Variants in PDE1C observed in about 807,000 individuals in gnomAD.
PDE1C encodes the protein phosphodiesterase 1C, also known as dual specificity calcium/calmodulin-dependent 3',5'-cyclic nucleotide phosphodiesterase 1C.
PDE1C carries 62 observed loss-of-function variants against 93.1 expected under a neutral mutation model. The ratio of observed to expected loss-of-function variants is 0.67; its 90% confidence interval spans 0.54 to 0.82. PDE1C has a LOEUF of 0.82. Ranked by LOEUF, PDE1C falls within the 40% of genes least tolerant of loss-of-function variation. The pLI, the probability that PDE1C is intolerant of heterozygous loss-of-function variation, is 0.00. For missense variants in PDE1C, 742 were observed against 884.6 expected, an observed-to-expected ratio of 0.84 and a Z score of 2.04; for synonymous variants, 325 against 310.1, an observed-to-expected ratio of 1.05 and a Z score of -0.50.
intron 1 of PDE1C, among the ~76,000 whole-genome samples, chr7:32,323,644 C>T (rs750708412): frequency 5.5e-4 from 83 of 152,110 alleles, no homozygotes; most frequent in Admixed American, 1.8e-3. Flanking sequence ...GTCAAAGAGC[C>T]AGGAGGAAAA....
At chr7:31,705,705 CA>C in the PDE1C span, among the ~76,000 whole-genome samples, 1 of 152,048 alleles carries the variant, frequency 6.6e-6, no homozygotes, top group African/African-American at 2.4e-5. Context: ...TTCTCTTTCT[CA>C]AGTGTAGATC....
chr7:32,264,658 T>C (rs1810442993), intron 1 of PDE1C, among the ~76,000 whole-genome samples: 1 of 152,224 alleles, frequency 6.6e-6, no homozygotes, highest in Non-Finnish European at 1.5e-5. Context: ...AATGCTCAAG[T>C]AGTGGCTGAT....
At chr7:31,770,974 A>C (rs1191511402) in intron 17 of PDE1C, among the ~76,000 whole-genome samples, 2 of 152,140 alleles carry the variant, frequency 1.3e-5, no homozygotes, top group Non-Finnish European at 2.9e-5. Context: ...TTAAAATTGC[A>C]ATGACTATAT....
chr7:31,744,693 T>C, the PDE1C span, among the ~76,000 whole-genome samples: 1 of 152,202 alleles, frequency 6.6e-6, no homozygotes, highest in Non-Finnish European at 1.5e-5. Flanking sequence ...TCAAATTCTT[T>C]TAAGATGGGA....
intron 2 of PDE1C, among the ~76,000 whole-genome samples, chr7:31,956,411 C>G (rs1054660169): frequency 5.3e-5 from 8 of 151,886 alleles, no homozygotes; most frequent in Non-Finnish European, 1.2e-4. Context: ...CCCTTTATGG[C>G]ATCCAGGCAG....
chr7:32,049,140 C>T (rs895357546), intron 2 of PDE1C, among the ~76,000 whole-genome samples: 1 of 152,192 alleles, frequency 6.6e-6, no homozygotes, highest in African/African-American at 2.4e-5. Context: ...GCCCTCTAAT[C>T]TGAGTGATTA....
chr7:32,258,649 G>T (rs1428281639), intron 1 of PDE1C, among the ~76,000 whole-genome samples: 1 of 152,116 alleles, frequency 6.6e-6, no homozygotes, highest in Non-Finnish European at 1.5e-5. Context: ...AAAACAGCCA[G>T]GCCAATGAAT....
intron 1 of PDE1C, among the ~76,000 whole-genome samples, chr7:32,387,489 T>C (rs1784653145): frequency 6.7e-6 from 1 of 148,548 alleles, no homozygotes; most frequent in African/African-American, 2.5e-5. Context: ...ATAGGGCGGC[T>C]GGCCGGGCGG....
At chr7:32,176,648 T>A (rs1562550156) in intron 2 of PDE1C, among the ~76,000 whole-genome samples, 1 of 151,958 alleles carries the variant, frequency 6.6e-6, no homozygotes, top group African/African-American at 2.4e-5. Context: ...ATGAATACAG[T>A]ATCCCTACTG....
chr7:32,158,862 A>G lies in PDE1C; in HGVS notation c.308+10923T>C, dbSNP rs1801739430. 2.6e-5 allele frequency among the ~76,000 whole-genome samples: 4 copies of G among 152,260 alleles called. No homozygotes were observed. The South Asian group carries it at 8.3e-4, about 32-fold the overall frequency. The stretch of plus-strand genomic sequence containing the variant: ...TCTTTCTCATGGCAAACAAGGCCCT[A>G]CATTACATAGTCCCAGGCTTACCTT... On this transcript the variant is annotated intron_variant, in intron 3 of 18. Coordinates refer to the PDE1C transcript ENST00000396193.
rs1450809927 is a variant in PDE1C at position 31,753,454 on chromosome 7, T to G, written c.2060A>C (p.Tyr687Ser). The G allele has an allele frequency of 6.2e-7, 1 of 1,612,718 alleles. No individual in the cohort carries two copies. ...TTTGATCCTCTGATCCAGCATCTTG[T>G]ACCTTGCAGGATGCTCATCAGTTTT... is the stretch of plus-strand genomic sequence containing the variant. ...SKKTDEHPARYKMLDQRIKMK... is the reference protein window; with the variant it reads ...SKKTDEHPARSKMLDQRIKMK... Residue 687 changes from tyrosine to serine, a missense_variant, in exon 18 of 18, where the codon TAC (tyrosine) becomes TCC (serine). Tyr to Ser is a moderately radical substitution (Grantham distance 144). Around this residue, in one of 4 missense-constraint regions of PDE1C, gnomAD observed 454 missense variants for 459.4 expected, o/e 0.99. Coordinates refer to ENST00000396191, the MANE Select transcript of PDE1C (RefSeq NM_001191057.4).
At chr7:31,777,955 GTAAC>G (rs990126199) in intron 16 of PDE1C, among the ~76,000 whole-genome samples, 2 of 152,110 alleles carry the variant, frequency 1.3e-5, no homozygotes, top group African/African-American at 4.8e-5. Flanking sequence ...CCTCAGTTGA[GTAAC>G]TCAGTTACTC....
chr7:31,870,483 T>G (rs1312039004), intron 6 of PDE1C, among the ~76,000 whole-genome samples: 4 of 151,936 alleles, frequency 2.6e-5, no homozygotes, highest in Non-Finnish European at 4.4e-5. Flanking sequence ...AACTATGTAC[T>G]AACAAACTGG....
At chr7:31,827,795 T>G in intron 12 of PDE1C, among the ~76,000 whole-genome samples, 1 of 151,950 alleles carries the variant, frequency 6.6e-6, no homozygotes, top group East Asian at 1.9e-4. Context: ...TATTCTTACC[T>G]TAAAAAAGTG....
At chr7:32,297,987 C>CT (rs140652681) in intron 1 of PDE1C, among the ~76,000 whole-genome samples, 1 of 42,282 alleles carries the variant, frequency 2.4e-5, no homozygotes, top group African/African-American at 7.4e-5. Flanking sequence ...CTCTCTCTCT[C>CT]TCTCTCTCTC....
At chr7:32,288,497 C>T (rs1056853048) in intron 1 of PDE1C, among the ~76,000 whole-genome samples, 12 of 152,118 alleles carry the variant, frequency 7.9e-5, no homozygotes, top group African/African-American at 2.9e-4. Flanking sequence ...TCATGAATGA[C>T]CCAGATGAGA....
chr7:32,218,409 C>T (rs1398605025), intron 1 of PDE1C, among the ~76,000 whole-genome samples: 2 of 152,196 alleles, frequency 1.3e-5, no homozygotes, highest in South Asian at 4.1e-4. Flanking sequence ...ACCCTTCTCT[C>T]CTAGAGTAAT....
chr7:31,820,641 T>G (rs1788843166), intron 14 of PDE1C: 1 of 151,884 alleles, frequency 6.6e-6, no homozygotes, highest in Non-Finnish European at 1.5e-5. Flanking sequence ...GAAATCAGGG[T>G]CATCTGGAAA....
At chr7:31,964,286 C>A (rs201860115) in intron 2 of PDE1C, among the ~76,000 whole-genome samples, 5 of 152,232 alleles carry the variant, frequency 3.3e-5, no homozygotes, top group African/African-American at 1.2e-4. Context: ...ATGGGCTTAA[C>A]AAACGGCACA....
Sources: allele counts gnomAD v4.1 joint callset (sites outside exome capture counted in the v4.1 genomes callset), GRCh38; gene constraint gnomAD v4.1.1; regional missense constraint gnomAD v4.1.1; transcripts MANE v1.5; gene names NCBI Gene and HGNC (gene_info 2026-07-23, HGNC 2026-07-21).